PRDM1: variants seen among roughly 807,000 people sequenced by gnomAD.
The protein encoded by PRDM1 is PR domain zinc finger protein 1.
Under a neutral mutation model 62.8 loss-of-function variants are expected in PRDM1, and 13 were observed. The observed-to-expected ratio is 0.21, with a 90% CI of 0.13 to 0.33. The LOEUF is 0.33. PRDM1 is among the 10% of genes least tolerant of loss of function. The pLI is 1.00. For synonymous variants in PRDM1, 396 were observed against 417.6 expected (o/e 0.95, Z 0.63); for missense variants, 895 against 1,058.8 (o/e 0.85, Z 2.15).
At chr6:106,033,908 T>C (rs1190247007) in intron 1 of PRDM1, among the ~76,000 whole-genome samples, 6 of 152,156 alleles carry the variant, frequency 3.9e-5, no homozygotes, top group Non-Finnish European at 8.8e-5. Flanking sequence ...ATTATTATTT[T>C]TATTACTCAT....
chr6:106,046,673 G>A (rs1357781070), upstream of PRDM1: 1 of 152,236 alleles, frequency 6.6e-6, no homozygotes, highest in Non-Finnish European at 1.5e-5. Context: ...ATTCTGGGGT[G>A]GGAGAGCAGC....
At chr6:106,013,609 C>T (rs373783067) in intron 1 of PRDM1, among the ~76,000 whole-genome samples, 3 of 152,002 alleles carry the variant, frequency 2.0e-5, no homozygotes, top group African/African-American at 4.8e-5. Flanking sequence ...ATTACAGGTG[C>T]GAGCCACCAT....
intron 1 of PRDM1, among the ~76,000 whole-genome samples, chr6:106,020,779 T>TTCTA (rs1386542486): frequency 1.3e-5 from 2 of 152,246 alleles, no homozygotes; most frequent in African/African-American, 4.8e-5. Flanking sequence ...GAAACTACTT[T>TTCTA]TCTATGACTT....
Position 106,109,645 on chromosome 6 carries a change from CGTTT to C in PRDM1, c.*2163_*2166del. 1 of 233,382 alleles carries C rather than the reference CGTTT, an allele frequency of 4.3e-6. No homozygotes were observed. The highest frequency in any genetic ancestry group is 6.0e-5 in the East Asian group (1 of 16,610). The allele number at this position is 233,382 out of a possible 1,614,324, so 14.5% of individuals were successfully genotyped here. A position where few individuals can be genotyped will look rare whatever the true frequency, so the allele number is the denominator to read the frequency against. On this transcript the variant is annotated 3_prime_UTR_variant, in exon 7 of 7. Coordinates refer to ENST00000369096, the MANE Select transcript of PRDM1 (RefSeq NM_001198.4). ...CAAATACTTTTGATTCCCAACTACTCGTTTGTTCTTTTTCTCCTTTTGTGCTTTC... is the reference window on the plus strand; with the variant it reads ...CAAATACTTTTGATTCCCAACTACTCGTTCTTTTTCTCCTTTTGTGCTTTC...
chr6:106,004,921 C>T (rs936585931), intron 1 of PRDM1, among the ~76,000 whole-genome samples: 14 of 152,248 alleles, frequency 9.2e-5, no homozygotes, highest in African/African-American at 3.1e-4. Context: ...AGGGGAAAAA[C>T]TTTCCAAAAT....
chr6:106,085,151 G>C (rs1773767119), upstream of PRDM1, among the ~76,000 whole-genome samples: 1 of 152,110 alleles, frequency 6.6e-6, no homozygotes, highest in African/African-American at 2.4e-5. Context: ...TTCATTGTAT[G>C]ACTAAGTTGG....
chr6:106,083,410 AT>A (rs574319572), upstream of PRDM1, among the ~76,000 whole-genome samples: 37 of 151,372 alleles, frequency 2.4e-4, no homozygotes, highest in South Asian at 2.1e-3. Context: ...GAAAAAAAAA[AT>A]TTTTTTTCCC....
In PRDM1 at chr6:106,109,107, A is replaced by G; in HGVS notation, c.*1621A>G. 1 of 208,652 alleles carries G rather than the reference A, an allele frequency of 4.8e-6. No individual in the cohort carries two copies. Among genetic ancestry groups the G allele is most frequent in the African/African-American group, 2.3e-5 (1 of 44,132 alleles). 12.9% of individuals were successfully genotyped at this position (208,652 alleles called of 1,614,324 possible). On this transcript the variant is annotated 3_prime_UTR_variant, in exon 7 of 7. Transcript: ENST00000369096. ...TTCTAAGGGCAAAAAAAAAAAAAAA[A>G]AAAAAAGAACACTCCTTTCTGAGAC... is the stretch of plus-strand genomic sequence containing the variant.
intron 1 of PRDM1, among the ~76,000 whole-genome samples, chr6:106,005,763 A>C (rs966764774): frequency 6.6e-6 from 1 of 152,216 alleles, no homozygotes; most frequent in Non-Finnish European, 1.5e-5. Context: ...ATACTGTAGG[A>C]AAATACATAA....
At chr6:106,037,147 GCTTGGATATAGGATT>G (rs1205968068) in intron 1 of PRDM1, among the ~76,000 whole-genome samples, 2 of 152,082 alleles carry the variant, frequency 1.3e-5, no homozygotes, top group East Asian at 3.9e-4. Flanking sequence ...GGATAGTTTT[GCTTGGATATAGGATT>G]CTTGGCTGAG....
At chr6:106,037,570 C>T (rs146250089) in intron 1 of PRDM1, among the ~76,000 whole-genome samples, 1 of 152,210 alleles carries the variant, frequency 6.6e-6, no homozygotes, top group Non-Finnish European at 1.5e-5. Flanking sequence ...GTTTCTCAGA[C>T]TCAATCATTG....
intron 1 of PRDM1, among the ~76,000 whole-genome samples, chr6:106,000,333 G>A (rs1772412490): frequency 6.6e-6 from 1 of 152,144 alleles, no homozygotes; most frequent in Admixed American, 6.5e-5. Flanking sequence ...CTACTCTCAA[G>A]GCTGAGGCAG....
At chr6:106,078,610 G>A (rs1020642211) in intron 1 of PRDM1, among the ~76,000 whole-genome samples, 2 of 152,150 alleles carry the variant, frequency 1.3e-5, no homozygotes, top group African/African-American at 2.4e-5. Flanking sequence ...AGTGGCTCAC[G>A]CCTGTAATCC....
At chr6:106,028,898 T>TATG (rs1305673896) in intron 1 of PRDM1, among the ~76,000 whole-genome samples, 1 of 151,436 alleles carries the variant, frequency 6.6e-6, no homozygotes, top group Non-Finnish European at 1.5e-5. Context: ...TATATTTCCC[T>TATG]ATGTTTTCTT....
intron 1 of PRDM1, among the ~76,000 whole-genome samples, chr6:106,073,271 T>A (rs1773550976): frequency 6.6e-6 from 1 of 152,010 alleles, no homozygotes; most frequent in Non-Finnish European, 1.5e-5. Flanking sequence ...CCCACTCTCA[T>A]GCCCAGCTAA....
At chr6:106,022,900 A>G (rs1444872408) in intron 1 of PRDM1, among the ~76,000 whole-genome samples, 1 of 152,122 alleles carries the variant, frequency 6.6e-6, no homozygotes, top group African/African-American at 2.4e-5. Flanking sequence ...TTATAGATTC[A>G]ATGTCGTCAC....
chr6:106,081,702 G>C (rs529386711), upstream of PRDM1, among the ~76,000 whole-genome samples: 1 of 152,276 alleles, frequency 6.6e-6, no homozygotes, highest in South Asian at 2.1e-4. Flanking sequence ...AGCCTCTACA[G>C]TCTTGTTCTT....
intron 1 of PRDM1, among the ~76,000 whole-genome samples, chr6:106,023,089 T>A (rs1772718289): frequency 1.3e-5 from 2 of 152,174 alleles, no homozygotes; most frequent in African/African-American, 4.8e-5. Context: ...TCTTTTCCAG[T>A]GTTCTGCTCT....
At chr6:106,098,323 ATAGTTT>A in intron 3 of PRDM1, 1 of 985,332 alleles carries the variant, frequency 1.0e-6, no homozygotes, top group Non-Finnish European at 1.2e-6. Flanking sequence ...GAGTGTGTTT[ATAGTTT>A]CAGTAAGAGT....
Sources: gnomAD v4.1 joint callset for allele counts (sites outside exome capture counted in the v4.1 genomes callset) on GRCh38, gnomAD v4.1.1 for gene constraint, MANE v1.5 for transcripts, NCBI Gene and HGNC (gene_info 2026-07-23, HGNC 2026-07-21) for gene names.